The following MANBA variants were observed in gnomAD, a reference collection of about 807,000 sequenced individuals.
MANBA encodes the protein beta-mannosidase.
A neutral mutation model predicts 111.1 loss-of-function variants in MANBA; 83 were observed. That is an observed-to-expected ratio of 0.75 (90% CI 0.63 to 0.90). MANBA has a LOEUF of 0.90. Among genes scored for constraint, MANBA ranks in the 40% least tolerant of loss-of-function variants. The probability of loss-of-function intolerance (pLI) is 0.00; values close to 1 mark genes in which losing one functional copy is unlikely to be tolerated. For synonymous variants in MANBA, 370 were observed against 378.7 expected (o/e 0.98, Z 0.27); for missense variants, 1,036 against 1,069.0 (o/e 0.97, Z 0.43).
Position 102,639,698 on chromosome 4 carries a change from C to T in MANBA, c.2014+15G>A, listed in dbSNP as rs778364481. The stretch of plus-strand genomic sequence containing the variant: ...TGCTTTCTCTCACTCGCACAAAGAA[C>T]GCTGAAATGCTTACCAAGAGAAGCC... On this transcript the variant is annotated intron_variant, in intron 14 of 16. Transcript: ENST00000647097. 1.7e-5 allele frequency: 27 copies of T among 1,613,922 alleles called. No individual in the cohort carries two copies. The highest frequency in any genetic ancestry group is 3.3e-4 in the Middle Eastern group (2 of 6,078).
chr4:102,694,288 AT>A (rs1217686629), intron 5 of MANBA, among the ~76,000 whole-genome samples: 1 of 152,076 alleles, frequency 6.6e-6, no homozygotes, highest in African/African-American at 2.4e-5. Flanking sequence ...TTAATAACAT[AT>A]TTTTCCCCTC....
chr4:102,739,854 T>C (rs1301870669), intron 1 of MANBA, among the ~76,000 whole-genome samples: 1 of 152,156 alleles, frequency 6.6e-6, no homozygotes, highest in Non-Finnish European at 1.5e-5. Context: ...CAGGGAAAAG[T>C]TGAAAGTATT....
intron 16 of MANBA, among the ~76,000 whole-genome samples, chr4:102,632,811 A>G (rs900405997): frequency 1.3e-5 from 2 of 152,192 alleles, no homozygotes; most frequent in Admixed American, 6.5e-5. Context: ...TTTTTTTTAC[A>G]TGTGTGAATT....
intron 13 of MANBA, among the ~76,000 whole-genome samples, chr4:102,647,899 G>A (rs939152023): frequency 6.6e-6 from 1 of 152,114 alleles, no homozygotes. Flanking sequence ...GTGTGAGCAT[G>A]AGTTTGGATT....
intron 5 of MANBA, among the ~76,000 whole-genome samples, chr4:102,701,849 C>A (rs1309683900): frequency 6.6e-6 from 1 of 151,354 alleles, no homozygotes; most frequent in African/African-American, 2.4e-5. Context: ...TGGAGTTGCT[C>A]TTCTCGAGGA....
intron 16 of MANBA, chr4:102,633,458 G>C (rs1222560602): frequency 2.5e-6 from 1 of 398,506 alleles, no homozygotes; most frequent in African/African-American, 2.1e-5. Flanking sequence ...CAGAGCCTGG[G>C]ATTCAAGCTT....
intron 7 of MANBA, among the ~76,000 whole-genome samples, chr4:102,677,706 C>T (rs562022367): frequency 2.6e-5 from 4 of 152,038 alleles, no homozygotes; most frequent in Non-Finnish European, 5.9e-5. Flanking sequence ...CTGTTTCAAC[C>T]GAAACAACAT....
intron 1 of MANBA, among the ~76,000 whole-genome samples, chr4:102,750,164 GCAGT>G (rs1481963892): frequency 6.6e-6 from 1 of 151,914 alleles, no homozygotes; most frequent in Non-Finnish European, 1.5e-5. Flanking sequence ...CCTGATAGAA[GCAGT>G]CAAACTTTTT....
intron 14 of MANBA, 71 bp from the exon 15 acceptor site, chr4:102,636,078 C>A (rs942452734): frequency 1.5e-6 from 2 of 1,374,990 alleles, no homozygotes; most frequent in African/African-American, 2.9e-5. Flanking sequence ...AATGGCCCAG[C>A]TGTTTGTGGC....
chr4:102,632,326 G>C, intron 16 of MANBA, 45 bp from the exon 17 acceptor site: 3,074 of 1,233,040 alleles, frequency 2.5e-3, no homozygotes, highest in Non-Finnish European at 3.3e-3. Flanking sequence ...GATGAGGGAA[G>C]AGTTATATAG....
intron 4 of MANBA, among the ~76,000 whole-genome samples, chr4:102,716,015 A>G (rs1159818318): frequency 6.6e-6 from 1 of 152,130 alleles, no homozygotes; most frequent in Non-Finnish European, 1.5e-5. Flanking sequence ...GTAATAATTA[A>G]AAAGAATGAG....
intron 13 of MANBA, among the ~76,000 whole-genome samples, chr4:102,649,040 A>G (rs1424852602): frequency 6.6e-6 from 1 of 152,138 alleles, no homozygotes; most frequent in African/African-American, 2.4e-5. Context: ...TACTCAATGT[A>G]ATACCTGCAA....
intron 4 of MANBA, among the ~76,000 whole-genome samples, chr4:102,718,113 A>C (rs74404975): frequency 0.011 from 1,664 of 152,342 alleles, 33 homozygotes; most frequent in African/African-American, 0.038. Context: ...AGGACTAAGC[A>C]ATAGATTGGA....
intron 13 of MANBA, among the ~76,000 whole-genome samples, chr4:102,645,796 T>C (rs948875863): frequency 1.3e-5 from 2 of 152,128 alleles, no homozygotes; most frequent in African/African-American, 4.8e-5. Flanking sequence ...TAAAGGTTTG[T>C]CAATTTTGTT....
At chr4:102,720,771 A>T (rs767915705) in intron 4 of MANBA, among the ~76,000 whole-genome samples, 1 of 152,182 alleles carries the variant, frequency 6.6e-6, no homozygotes, top group Non-Finnish European at 1.5e-5. Flanking sequence ...TCAAAGCAAT[A>T]CTCTAAGGCT....
intron 13 of MANBA, among the ~76,000 whole-genome samples, chr4:102,643,481 T>C (rs778488891): frequency 6.6e-6 from 1 of 152,204 alleles, no homozygotes; most frequent in Non-Finnish European, 1.5e-5. Flanking sequence ...ACAAACTGTT[T>C]ACCGCAGCAG....
chr4:102,752,687 T>A (rs1723854807), intron 1 of MANBA: 2 of 486,766 alleles, frequency 4.1e-6, no homozygotes, highest in Non-Finnish European at 8.3e-6. Flanking sequence ...ACAAATGAAC[T>A]TGGTAGAAAA....
intron 8 of MANBA, 59 bp from the exon 9 acceptor site, chr4:102,671,457 G>A (rs1484654246): frequency 2.1e-6 from 2 of 974,580 alleles, no homozygotes; most frequent in Non-Finnish European, 3.3e-6. Flanking sequence ...GATTGTGACA[G>A]ATAAACACAT....
At chr4:102,730,191 G>C (rs1722980552) in intron 1 of MANBA, 4 of 741,888 alleles carry the variant, frequency 5.4e-6, no homozygotes, top group Non-Finnish European at 4.3e-6. Context: ...AGGAGTGGGG[G>C]CAGGAAGGCC....
Sources: allele counts gnomAD v4.1 joint callset (sites outside exome capture counted in the v4.1 genomes callset), GRCh38; gene constraint gnomAD v4.1.1; transcripts MANE v1.5; gene names NCBI Gene and HGNC (gene_info 2026-07-23, HGNC 2026-07-21).